Variants in SGCD observed in about 807,000 individuals in gnomAD.
SGCD encodes delta-sarcoglycan.
Under a neutral mutation model 36.6 loss-of-function variants are expected in SGCD, and 18 were observed. That is an observed-to-expected ratio of 0.49 (90% CI 0.34 to 0.73). The LOEUF (loss-of-function observed/expected upper bound fraction) is 0.73. Ranked by LOEUF, SGCD falls within the 30% of genes least tolerant of loss-of-function variation. The pLI, the probability that SGCD is intolerant of heterozygous loss-of-function variation, is 0.01. For synonymous variants in SGCD, 133 were observed against 130.6 expected, an observed-to-expected ratio of 1.02 and a Z score of -0.12; for missense variants, 387 against 346.7, an observed-to-expected ratio of 1.12 and a Z score of -0.92.
intron 3 of SGCD, among the ~76,000 whole-genome samples, chr5:156,174,354 G>A (rs1031196452): frequency 6.6e-6 from 1 of 152,162 alleles, no homozygotes; most frequent in Non-Finnish European, 1.5e-5. Flanking sequence ...GCTTTCCAGT[G>A]GAGGAACCAG....
intron 3 of SGCD, among the ~76,000 whole-genome samples, chr5:156,482,813 GTTTT>G (rs3074979): frequency 1.2e-3 from 102 of 83,382 alleles, no homozygotes; most frequent in African/African-American, 4.8e-3. Flanking sequence ...CTTTTGGTCA[GTTTT>G]TTTTTTTTTT....
In SGCD at chr5:156,335,829, G is replaced by A. The variant is rs1472776192; in HGVS notation, c.3+6250G>A. On this transcript the variant is annotated intron_variant, in intron 2 of 8. Transcript: ENST00000337851. ...AGCTCTGCTTTCCCACAAGATTCCA[G>A]ATACAGCAACTCCCCAGCTTCTCAC... Among the ~76,000 whole-genome samples, 3 of 152,258 alleles carry A rather than the reference G, an allele frequency of 2.0e-5. No individual in the cohort carries two copies. In the East Asian group the frequency reaches 5.8e-4, roughly 29 times the overall value.
At chr5:156,032,626 G>T (rs1380775265) in intron 1 of SGCD, among the ~76,000 whole-genome samples, 1 of 138,962 alleles carries the variant, frequency 7.2e-6, no homozygotes, top group Non-Finnish European at 1.5e-5. Context: ...GCTGGGGCAG[G>T]AGAATGGCAT....
rs372851191 is a variant in SGCD, at chr5:156,738,732, T to C, written c.576-18849T>C. On this transcript the variant is annotated intron_variant, in intron 7 of 8. Transcript: ENST00000337851. Reference sequence around the variant, plus strand: ...AAAGAAATCATCAGTTCTAACCAGTTTGAGGGGGGAATGACTACACTAACA... The same window carrying C: ...AAAGAAATCATCAGTTCTAACCAGTCTGAGGGGGGAATGACTACACTAACA... 6 of 152,252 alleles carry C rather than the reference T, an allele frequency of 3.9e-5. No homozygotes were observed. The South Asian group carries it at 1.2e-3, about 32-fold the overall frequency. The allele number at this position is 152,252 out of a possible 1,614,324, so 9.4% of individuals were successfully genotyped here. A position where few individuals can be genotyped will look rare whatever the true frequency, so the allele number is the denominator to read the frequency against.
intron 1 of SGCD, among the ~76,000 whole-genome samples, chr5:156,108,997 C>A (rs1761717015): frequency 6.6e-6 from 1 of 152,134 alleles, no homozygotes; most frequent in South Asian, 2.1e-4. Flanking sequence ...TTGCTAGTAA[C>A]CCACCTCTCA....
intron 1 of SGCD, among the ~76,000 whole-genome samples, chr5:155,933,834 G>A (rs902569307): frequency 1.1e-4 from 16 of 152,176 alleles, no homozygotes; most frequent in Non-Finnish European, 1.9e-4. Context: ...TATTTTATCA[G>A]TCATCCCTAG....
At chr5:155,918,440 G>A (rs902895465) in intron 1 of SGCD, among the ~76,000 whole-genome samples, 1 of 152,162 alleles carries the variant, frequency 6.6e-6, no homozygotes, top group African/African-American at 2.4e-5. Flanking sequence ...CTGGGCATCT[G>A]TAATCCCAGC....
intron 1 of SGCD, among the ~76,000 whole-genome samples, chr5:156,029,990 C>G (rs1472109493): frequency 6.6e-6 from 1 of 152,156 alleles, no homozygotes; most frequent in African/African-American, 2.4e-5. Context: ...CCCTCACCTC[C>G]CAATTTCCCA....
At chr5:155,796,424 C>A in the SGCD span, among the ~76,000 whole-genome samples, 2 of 151,542 alleles carry the variant, frequency 1.3e-5, no homozygotes, top group Non-Finnish European at 2.9e-5. Flanking sequence ...GATGAGTTAT[C>A]AAAACTTGTG....
At chr5:155,841,408 G>A in the SGCD span, among the ~76,000 whole-genome samples, 2 of 152,170 alleles carry the variant, frequency 1.3e-5, no homozygotes, top group Non-Finnish European at 1.5e-5. Flanking sequence ...TCAAACTTTT[G>A]GATTTTTCCC....
intron 3 of SGCD, among the ~76,000 whole-genome samples, chr5:156,404,591 A>G (rs1772317187): frequency 6.6e-6 from 1 of 152,214 alleles, no homozygotes; most frequent in African/African-American, 2.4e-5. Flanking sequence ...CTCACTCCTC[A>G]TGTCATACAG....
Position 156,767,633 on chromosome 5 carries a change from A to G in SGCD, c.*8243A>G, listed in dbSNP as rs904821677. 4 of 152,172 alleles carry G rather than the reference A, an allele frequency of 2.6e-5. No individual in the cohort carries two copies. The highest frequency in any genetic ancestry group is 9.6e-5 in the African/African-American group (4 of 41,452). 9.4% of individuals were successfully genotyped at this position (152,172 alleles called of 1,614,324 possible). On this transcript the variant is annotated 3_prime_UTR_variant, in exon 9 of 9. Transcript: ENST00000337851. The stretch of plus-strand genomic sequence containing the variant: ...AATAACATCAATCCTTGCACACTCT[A>G]TGCAAAAATTTTGTAAGCATTTCAA...
chr5:156,095,226 A>G (rs555428362), intron 1 of SGCD, among the ~76,000 whole-genome samples: 11 of 152,296 alleles, frequency 7.2e-5, no homozygotes, highest in African/African-American at 2.6e-4. Context: ...TGCCTACGCA[A>G]ATCTCACCAC....
At chr5:156,390,932 T>C (rs749205289) in intron 3 of SGCD, among the ~76,000 whole-genome samples, 2 of 152,150 alleles carry the variant, frequency 1.3e-5, no homozygotes, top group Non-Finnish European at 2.9e-5. Context: ...TAATATATTA[T>C]TGAGGATAAA....
chr5:155,759,083 C>T, the SGCD span, among the ~76,000 whole-genome samples: 103 of 151,996 alleles, frequency 6.8e-4, no homozygotes, highest in African/African-American at 2.3e-3. Flanking sequence ...CTCAAGTGAT[C>T]CTCCTGCCTT....
chr5:156,384,471 G>C (rs1771168222), intron 3 of SGCD, among the ~76,000 whole-genome samples: 1 of 152,158 alleles, frequency 6.6e-6, no homozygotes, highest in South Asian at 2.1e-4. Context: ...GGAATTCCAA[G>C]AGAATAAGAA....
At chr5:156,444,111 T>TCTCCCC (rs1561699393) in intron 3 of SGCD, among the ~76,000 whole-genome samples, 2 of 90,026 alleles carry the variant, frequency 2.2e-5, no homozygotes, top group Admixed American at 1.2e-4. Flanking sequence ...TCTCTCTCTC[T>TCTCCCC]CTCTCCCCTT....
At chr5:156,708,797 G>C (rs948502820) in intron 7 of SGCD, among the ~76,000 whole-genome samples, 2 of 152,160 alleles carry the variant, frequency 1.3e-5, no homozygotes, top group African/African-American at 4.8e-5. Flanking sequence ...CAAAGAGACA[G>C]TCAGATCCAG....
chr5:156,648,314 C>T (rs952781373), intron 7 of SGCD, among the ~76,000 whole-genome samples: 4 of 147,348 alleles, frequency 2.7e-5, no homozygotes, highest in Admixed American at 6.9e-5. Flanking sequence ...AATCATAAAT[C>T]GCCATATATG....
Sources: gnomAD v4.1 joint callset for allele counts (sites outside exome capture counted in the v4.1 genomes callset) on GRCh38, gnomAD v4.1.1 for gene constraint, MANE v1.5 for transcripts, NCBI Gene and HGNC (gene_info 2026-07-23, HGNC 2026-07-21) for gene names.